The following PTPRT variants were observed in gnomAD, a reference collection of about 807,000 sequenced individuals.
The protein encoded by PTPRT is receptor-type tyrosine-protein phosphatase T.
PTPRT carries 56 observed loss-of-function variants against 176.8 expected under a neutral mutation model. The ratio of observed to expected loss-of-function variants is 0.32; its 90% CI spans 0.26 to 0.40. The LOEUF is 0.40. PTPRT is among the 10% of genes least tolerant of loss of function. The pLI is 1.00. For synonymous variants in PTPRT, 783 were observed against 739.0 expected (o/e 1.06, Z -0.96); for missense variants, 1,540 against 1,908.2 (o/e 0.81, Z 3.60).
At chr20:42,241,458 G>A (rs979063485) in intron 14 of PTPRT, among the ~76,000 whole-genome samples, 4 of 152,138 alleles carry the variant, frequency 2.6e-5, no homozygotes, top group Non-Finnish European at 5.9e-5. Flanking sequence ...GAAAACCCAG[G>A]AAGTCATGTG....
intron 1 of PTPRT, among the ~76,000 whole-genome samples, chr20:43,165,715 G>A (rs1040861989): frequency 1.6e-4 from 24 of 152,162 alleles, no homozygotes; most frequent in Admixed American, 3.3e-4. Context: ...TTTATTCTAC[G>A]TGCAAGTGGA....
intron 1 of PTPRT, among the ~76,000 whole-genome samples, chr20:43,085,305 G>A (rs1025275953): frequency 6.6e-6 from 1 of 152,098 alleles, no homozygotes; most frequent in African/African-American, 2.4e-5. Flanking sequence ...ACTCTACAAG[G>A]TGTATGGCAT....
chr20:43,061,921 G>C (rs1987476550), intron 1 of PTPRT, among the ~76,000 whole-genome samples: 3 of 152,200 alleles, frequency 2.0e-5, no homozygotes, highest in African/African-American at 7.2e-5. Flanking sequence ...TGACAGTGGA[G>C]TTTTGAAGGA....
chr20:42,182,218 T>G (rs1429488156), intron 16 of PTPRT, among the ~76,000 whole-genome samples: 6 of 152,168 alleles, frequency 3.9e-5, no homozygotes, highest in African/African-American at 1.4e-4. Context: ...TTTTACTTCA[T>G]CTGGAGGGCA....
intron 13 of PTPRT, among the ~76,000 whole-genome samples, chr20:42,282,047 GCC>G (rs1409561382): frequency 6.6e-6 from 1 of 151,996 alleles, no homozygotes; most frequent in Non-Finnish European, 1.5e-5. Context: ...ATTACTAAAG[GCC>G]CCAGTACTAA....
intron 1 of PTPRT, among the ~76,000 whole-genome samples, chr20:43,071,804 A>G (rs2011184908): frequency 6.6e-6 from 1 of 152,186 alleles, no homozygotes; most frequent in African/African-American, 2.4e-5. Context: ...CAAACAAAAG[A>G]CAGGAAAGTT....
intron 9 of PTPRT, among the ~76,000 whole-genome samples, chr20:42,397,719 C>T (rs985497407): frequency 6.6e-6 from 1 of 152,132 alleles, no homozygotes; most frequent in East Asian, 1.9e-4. Context: ...GATTCCAGGT[C>T]TTTGCTATTG....
At chr20:42,133,738 A>T (rs1988244681) in intron 18 of PTPRT, among the ~76,000 whole-genome samples, 1 of 152,242 alleles carries the variant, frequency 6.6e-6, no homozygotes, top group African/African-American at 2.4e-5. Context: ...TGAATGTACC[A>T]CACTAATGCA....
intron 2 of PTPRT, among the ~76,000 whole-genome samples, chr20:42,794,716 A>C (rs2077428052): frequency 6.6e-6 from 1 of 152,258 alleles, no homozygotes; most frequent in Non-Finnish European, 1.5e-5. Flanking sequence ...GATGTGAAAC[A>C]GTAGCTACTA....
At chr20:42,425,623 C>G (rs2059156141) in intron 9 of PTPRT, among the ~76,000 whole-genome samples, 1 of 152,154 alleles carries the variant, frequency 6.6e-6, no homozygotes, top group Non-Finnish European at 1.5e-5. Context: ...TTTAAGTCCT[C>G]TCACCATGAA....
intron 1 of PTPRT, among the ~76,000 whole-genome samples, chr20:43,119,642 T>G (rs533215258): frequency 5.3e-5 from 8 of 152,340 alleles, no homozygotes; most frequent in African/African-American, 1.9e-4. Context: ...GCAAGCCCTG[T>G]TGAGTAAAAA....
intron 9 of PTPRT, among the ~76,000 whole-genome samples, chr20:42,419,900 C>T (rs73121630): frequency 6.6e-6 from 1 of 152,018 alleles, no homozygotes; most frequent in Non-Finnish European, 1.5e-5. Context: ...GAGAACGCCA[C>T]GTGGAGACAG....
At chr20:43,131,385 A>G (rs2013641967) in intron 1 of PTPRT, among the ~76,000 whole-genome samples, 1 of 152,254 alleles carries the variant, frequency 6.6e-6, no homozygotes, top group South Asian at 2.1e-4. Context: ...CCAGTATGCA[A>G]CAGACATTAG....
At chr20:42,829,269 G>T (rs6016901) in intron 2 of PTPRT, among the ~76,000 whole-genome samples, 3,160 of 152,324 alleles carry the variant, frequency 0.021, 111 homozygotes, top group African/African-American at 0.069. Flanking sequence ...TGGAATGGGT[G>T]TATTTACCCA....
At chr20:42,319,230 C>T (rs576650487) in intron 11 of PTPRT, among the ~76,000 whole-genome samples, 11 of 151,950 alleles carry the variant, frequency 7.2e-5, no homozygotes, top group Non-Finnish European at 1.3e-4. Context: ...AAGTAGAAAC[C>T]CAGACTTTTC....
At chr20:42,398,450 T>C (rs994204350) in intron 9 of PTPRT, among the ~76,000 whole-genome samples, 1 of 152,230 alleles carries the variant, frequency 6.6e-6, no homozygotes, top group Non-Finnish European at 1.5e-5. Context: ...AAATAAAGTA[T>C]GTACATCTCA....
At chr20:42,172,255 T>C (rs1990109674) in intron 16 of PTPRT, among the ~76,000 whole-genome samples, 1 of 152,048 alleles carries the variant, frequency 6.6e-6, no homozygotes, top group Non-Finnish European at 1.5e-5. Context: ...AAGTTAAAGA[T>C]ACAGCAGAGG....
chr20:42,323,613 G>A, intron 11 of PTPRT, among the ~76,000 whole-genome samples: 1 of 152,054 alleles, frequency 6.6e-6, no homozygotes, highest in Admixed American at 6.6e-5. Flanking sequence ...GACTGTTGTG[G>A]GGTAGGGGGA....
intron 7 of PTPRT, among the ~76,000 whole-genome samples, chr20:42,494,446 G>A (rs544153799): frequency 1.2e-4 from 19 of 152,046 alleles, no homozygotes; most frequent in Non-Finnish European, 2.1e-4. Context: ...CCTGTAAAAG[G>A]AAATACACAG....
Sources: allele counts gnomAD v4.1 joint callset (sites outside exome capture counted in the v4.1 genomes callset), GRCh38; gene constraint gnomAD v4.1.1; transcripts MANE v1.5; gene names NCBI Gene and HGNC (gene_info 2026-07-23, HGNC 2026-07-21).